Variants in CHAF1A observed in about 807,000 individuals in gnomAD.
CHAF1A encodes the protein CAF-1 subunit A.
In CHAF1A, 5 loss-of-function variants were observed where a neutral mutation model predicts 93.2. The ratio of observed to expected loss-of-function variants is 0.05; its 90% CI spans 0.03 to 0.11. CHAF1A has a LOEUF of 0.11. Ranked by LOEUF, CHAF1A falls within the 10% of genes least tolerant of loss-of-function variation. The pLI is 1.00. For synonymous variants in CHAF1A, 504 were observed against 510.3 expected, an observed-to-expected ratio of 0.99 and a Z score of 0.17; for missense variants, 1,102 against 1,259.9, an observed-to-expected ratio of 0.87 and a Z score of 1.90.
Position 4,433,546 on chromosome 19 carries a change from TG to T in CHAF1A, c.2673+11del. 1 of 1,562,090 alleles carries T rather than the reference TG, an allele frequency of 6.4e-7. No individual in the cohort carries two copies. The highest frequency in any genetic ancestry group is 1.1e-5 in the South Asian group (1 of 86,976). ...GCGCAGGCACGACGGCCAGGTGAGGTGGGGTGGGCAGGTGGGGGCCTCTGCA... is the reference window on the plus strand; with the variant it reads ...GCGCAGGCACGACGGCCAGGTGAGGTGGGTGGGCAGGTGGGGGCCTCTGCA... On this transcript the variant is annotated splice_region_variant and intron_variant, in intron 13 of 14. Coordinates refer to ENST00000301280, the MANE Select transcript of CHAF1A (RefSeq NM_005483.3). This position sits in a 1 kb window ranked among gnomAD's most constrained non-coding sequence, Gnocchi z 5.6.
chr19:4,406,809 C>T (rs1289460275), intron 2 of CHAF1A, among the ~76,000 whole-genome samples: 1 of 152,022 alleles, frequency 6.6e-6, no homozygotes, highest in African/African-American at 2.4e-5. Context: ...CCTGTAAAAC[C>T]AGCTATTTGA....
chr19:4,447,333 G>A (rs551227182), downstream of CHAF1A: 4 of 593,014 alleles, frequency 6.7e-6, no homozygotes, highest in South Asian at 2.0e-5. Flanking sequence ...CAGGTGAGGA[G>A]AGGCAGAATT....
intron 13 of CHAF1A, among the ~76,000 whole-genome samples, chr19:4,439,309 CAA>C (rs1171069308): frequency 6.6e-6 from 1 of 151,836 alleles, no homozygotes; most frequent in Non-Finnish European, 1.5e-5. Flanking sequence ...CAAAAAGGCA[CAA>C]ATGTTAGTGA....
chr19:4,433,175 C>T lies in CHAF1A; in HGVS notation c.2309C>T (p.Thr770Ile). ...HCRRGLLSNH[T>I]GSPRSPSTTY... is the part of the protein sequence containing the mutation. ...CGCCGGGGACTGCTCAGCAACCACA[C>T]CGGCAGCCCGCGGAGCCCCTCCACC... is the stretch of plus-strand genomic sequence containing the variant. The change falls in exon 13 of 15, where the codon ACC becomes ATC. Residue 770 changes from threonine to isoleucine, a missense_variant. By Grantham distance (89) the Thr-to-Ile change is moderately conservative. Transcript: ENST00000301280. This position sits in a 1 kb window ranked among gnomAD's most constrained non-coding sequence, Gnocchi z 5.6. 2.5e-6 allele frequency: 4 copies of T among 1,613,668 alleles called. No homozygotes were observed. The highest frequency in any genetic ancestry group is 3.4e-6 in the Non-Finnish European group (4 of 1,179,834).
At chr19:4,447,760 G>A (rs544239843), downstream of CHAF1A, 14 of 832,950 alleles carry the variant, frequency 1.7e-5, no homozygotes, top group South Asian at 8.6e-5. Flanking sequence ...CCAGTGACGC[G>A]AGGGCAGCAG....
Position 4,409,576 on chromosome 19 carries a change from A to G in CHAF1A, c.777A>G (p.Thr259=), listed in dbSNP as rs759401852. ...RPPQIKSLPA[T]PQGKNMTPES... ...CGCAAATCAAGTCCCTTCCAGCCAC[A>G]CCCCAAGGCAAGAACATGACCCCTG... The change falls in exon 3 of 15, where the codon ACA becomes ACG. Residue 259 remains threonine (T), a synonymous_variant. Transcript: ENST00000301280. 2 of 1,613,970 alleles carry G rather than the reference A, an allele frequency of 1.2e-6. No homozygotes were observed. Among genetic ancestry groups the G allele is most frequent in the South Asian group, 2.2e-5 (2 of 91,070 alleles).
downstream of CHAF1A, chr19:4,446,478 G>C: frequency 6.3e-7 from 1 of 1,597,178 alleles, no homozygotes; most frequent in Non-Finnish European, 8.5e-7. Flanking sequence ...GCCCCACTCT[G>C]CTCCGCGGAC....
At chr19:4,447,468 C>T, downstream of CHAF1A, 1 of 1,493,780 alleles carries the variant, frequency 6.7e-7, no homozygotes, top group Non-Finnish European at 9.3e-7. Context: ...AGCCCACCGC[C>T]TGGTGTGGGC....
rs573878517 is a variant in CHAF1A at position 4,433,662 on chromosome 19, G to A, written c.2673+123G>A. 3.5e-4 allele frequency: 267 copies of A among 753,156 alleles called. No individual in the cohort carries two copies. The highest frequency in any genetic ancestry group is 4.8e-4 in the Non-Finnish European group (227 of 471,764). The allele number at this position is 753,156 out of a possible 1,614,324, so 46.7% of individuals were successfully genotyped here. A position where few individuals can be genotyped will look rare whatever the true frequency, so the allele number is the denominator to read the frequency against. Reference sequence around the variant, plus strand: ...GTCACCCAGGCTGGAGTGCAGTGGCGCAATCTCAGCTCACTGCAACCTCCT... The same window carrying A: ...GTCACCCAGGCTGGAGTGCAGTGGCACAATCTCAGCTCACTGCAACCTCCT... On this transcript the variant is annotated intron_variant, in intron 13 of 14. Coordinates refer to ENST00000301280, the MANE Select transcript of CHAF1A (RefSeq NM_005483.3). This position sits in a 1 kb window ranked among gnomAD's most constrained non-coding sequence, Gnocchi z 5.6.
chr19:4,408,461 C>CTGTTTTTTTTTT (rs1776956822), intron 2 of CHAF1A, among the ~76,000 whole-genome samples: 1 of 36,012 alleles, frequency 2.8e-5, no homozygotes. Context: ...CGCACCCGGC[C>CTGTTTTTTTTTT]TTTTTTTTTT....
intron 2 of CHAF1A, 128 bp downstream of exon 2, chr19:4,406,090 G>A: frequency 1.3e-6 from 1 of 761,590 alleles, no homozygotes; most frequent in Non-Finnish European, 2.2e-6. Flanking sequence ...CCAGGAAGCT[G>A]GGAAAATGCT....
Position 4,402,695 on chromosome 19 carries a change from A to G in CHAF1A, c.-68A>G. The G allele has an allele frequency of 9.7e-7, 1 of 1,035,126 alleles. No homozygotes were observed. The highest frequency in any genetic ancestry group is 1.7e-5 in the African/African-American group (1 of 59,876). The allele number at this position is 1,035,126 out of a possible 1,614,324, so 64.1% of individuals were successfully genotyped here. On this transcript the variant is annotated 5_prime_UTR_variant, in exon 1 of 15. Coordinates refer to ENST00000301280, the MANE Select transcript of CHAF1A (RefSeq NM_005483.3). ...CAGCGGCGCGGGCGGGAGGGCGAAG[A>G]GCAGCGGCCGCCTGAGGGGAGCCCG...
chr19:4,444,446 C>T (rs62130981), downstream of CHAF1A: 42,946 of 152,164 alleles, frequency 0.28, 7,291 homozygotes, highest in Non-Finnish European at 0.38. Context: ...GCCAGGCTAA[C>T]ATCAAGCTGT....
chr19:4,443,786 G>A (rs574302985), downstream of CHAF1A, among the ~76,000 whole-genome samples: 4 of 152,258 alleles, frequency 2.6e-5, no homozygotes, highest in South Asian at 2.1e-4. Context: ...CCTCCTCCCC[G>A]CCCCAGGTTG....
intron 13 of CHAF1A, among the ~76,000 whole-genome samples, chr19:4,436,730 C>A (rs760857887): frequency 1.2e-4 from 19 of 152,306 alleles, no homozygotes; most frequent in Admixed American, 3.9e-4. Flanking sequence ...GGACGGCCTC[C>A]TTCCCCACCC....
In CHAF1A at chr19:4,408,413, C is replaced by T. The variant is rs79899942; in HGVS notation, c.104-490C>T. Among the ~76,000 whole-genome samples the T allele has an allele frequency of 8.0e-3, 1,156 of 144,600 alleles. 10 individuals carry two copies. Among genetic ancestry groups the T allele is most frequent in the Non-Finnish European group, 0.014 (941 of 67,036 alleles). The allele number at this position is 144,600 out of a possible 152,430, so 94.9% of individuals were successfully genotyped here. ...TTCACCGTGTTAGCCAGGATGGTCT[C>T]GATCTCCTGACCTTGTGATCCGCCT... On this transcript the variant is annotated intron_variant, in intron 2 of 14. Transcript: ENST00000301280.
chr19:4,416,549 A>G (rs1479681024), intron 3 of CHAF1A, among the ~76,000 whole-genome samples: 1 of 152,152 alleles, frequency 6.6e-6, no homozygotes, highest in African/African-American at 2.4e-5. Context: ...AGTCCTAGAA[A>G]ACCCCAGCAA....
downstream of CHAF1A, chr19:4,447,482 C>T (rs1303569635): frequency 3.2e-6 from 5 of 1,575,114 alleles, no homozygotes; most frequent in Admixed American, 6.7e-5. Flanking sequence ...TGTGGGCCAC[C>T]ACCGGCTCCT....
chr19:4,436,925 G>A (rs1264870091), intron 13 of CHAF1A, among the ~76,000 whole-genome samples: 1 of 152,224 alleles, frequency 6.6e-6, no homozygotes, highest in Non-Finnish European at 1.5e-5. Context: ...TTCGGGGGCA[G>A]TGAGTGCCTG....
Sources: allele counts gnomAD v4.1 joint callset (sites outside exome capture counted in the v4.1 genomes callset), GRCh38; gene constraint gnomAD v4.1.1; non-coding constraint Gnocchi (gnomAD v3.1); transcripts MANE v1.5; gene names NCBI Gene and HGNC (gene_info 2026-07-23, HGNC 2026-07-21).